Variants in DCAF17 observed in about 807,000 individuals in gnomAD.
DCAF17 encodes DDB1- and CUL4-associated factor 17.
DCAF17 carries 48 observed loss-of-function variants against 66.0 expected under a neutral mutation model. The ratio of observed to expected loss-of-function variants is 0.73; its 90% confidence interval spans 0.58 to 0.92. The LOEUF (loss-of-function observed/expected upper bound fraction) is 0.92, where lower values mean the gene tolerates loss of function less well. Ranked by LOEUF, DCAF17 falls within the 40% of genes least tolerant of loss-of-function variation. The pLI is 0.00. For synonymous variants in DCAF17, 206 were observed against 214.6 expected (o/e 0.96, Z 0.35); for missense variants, 562 against 622.8 (o/e 0.90, Z 1.04).
intron 9 of DCAF17, chr2:171,472,958 A>G (rs1173852190): frequency 3.3e-6 from 1 of 300,404 alleles, no homozygotes; most frequent in Non-Finnish European, 6.9e-6. Flanking sequence ...GATATAAGGT[A>G]ATACATTTGT....
intron 8 of DCAF17, among the ~76,000 whole-genome samples, chr2:171,463,011 A>C (rs1008917328): frequency 3.3e-5 from 5 of 152,106 alleles, no homozygotes; most frequent in African/African-American, 1.2e-4. Flanking sequence ...CAAGTGGATC[A>C]CTTGAGGTCA....
At position 171,478,121 on chromosome 2, in the gene DCAF17, T is replaced by A. The variant is rs11887983; in HGVS notation, c.1266+51T>A. The stretch of plus-strand genomic sequence containing the variant: ...ACCAAACCAGTGTGTCCTTGCATTG[T>A]GAATTTCATATTAATACTTCCCCAT... On this transcript the variant is annotated intron_variant, in intron 12 of 13. Transcript: ENST00000375255. The A allele has an allele frequency of 3.0e-3, 4,453 of 1,484,296 alleles. 116 individuals carry two copies. In the African/African-American group the frequency reaches 0.056, roughly 19 times the overall value. The allele number at this position is 1,484,296 out of a possible 1,614,324, so 91.9% of individuals were successfully genotyped here. A position where few individuals can be genotyped will look rare whatever the true frequency, so the allele number is the denominator to read the frequency against.
At chr2:171,438,266 T>C (rs1206491177) in intron 2 of DCAF17, among the ~76,000 whole-genome samples, 1 of 152,236 alleles carries the variant, frequency 6.6e-6, no homozygotes, top group African/African-American at 2.4e-5. Flanking sequence ...AGGTGTCTTT[T>C]ATGGCTCAGA....
chr2:171,458,920 T>C (rs1368401749), intron 8 of DCAF17, among the ~76,000 whole-genome samples: 1 of 152,092 alleles, frequency 6.6e-6, no homozygotes, highest in Non-Finnish European at 1.5e-5. Context: ...CCCAGTATAC[T>C]TAAAGAGTGC....
rs1355998255 is a variant in DCAF17, at chr2:171,483,569, G to A, written c.*2455G>A. 1 of 454,100 alleles carries A rather than the reference G, an allele frequency of 2.2e-6. No homozygotes were observed. The highest frequency in any genetic ancestry group is 2.3e-5 in the Admixed American group (1 of 42,580). The allele number at this position is 454,100 out of a possible 1,614,324, so 28.1% of individuals were successfully genotyped here. A position where few individuals can be genotyped will look rare whatever the true frequency, so the allele number is the denominator to read the frequency against. On this transcript the variant is annotated 3_prime_UTR_variant, in exon 14 of 14. Transcript: ENST00000375255. ...TCCTATTTACTATTTGTGCTACCTA[G>A]TGAGGAGATACCGCTCTGTTTAGAC...
chr2:171,469,080 A>G (rs1300508260), intron 9 of DCAF17, 50 bp downstream of exon 9: 1 of 1,598,928 alleles, frequency 6.3e-7, no homozygotes, highest in South Asian at 1.1e-5. Context: ...CAAGTTCTTT[A>G]TTTTCTACCT....
intron 2 of DCAF17, among the ~76,000 whole-genome samples, chr2:171,442,122 G>A (rs1452385332): frequency 6.6e-6 from 1 of 152,150 alleles, no homozygotes; most frequent in Non-Finnish European, 1.5e-5. Flanking sequence ...GGTTATAATC[G>A]CATATGAAGT....
At chr2:171,439,511 CT>C (rs374646610) in intron 2 of DCAF17, among the ~76,000 whole-genome samples, 24,438 of 94,778 alleles carry the variant, frequency 0.26, 2,924 homozygotes, top group East Asian at 0.53. Context: ...CTTTTTTTTC[CT>C]TTTTTTTTTT....
In DCAF17 at chr2:171,450,748, G is replaced by A. The variant is rs141311430; in HGVS notation, c.537+791G>A. Among the ~76,000 whole-genome samples, 296 of 152,186 alleles carry A rather than the reference G, an allele frequency of 1.9e-3. 1 individual carries two copies. The highest frequency in any genetic ancestry group is 6.8e-3 in the African/African-American group (284 of 41,516). ...ACTACTTCAGCTGTTTCTCACTAGT[G>A]TCCTTGATTGCAAAACAGGCAGGCA... On this transcript the variant is annotated intron_variant, in intron 5 of 13. Coordinates refer to ENST00000375255, the MANE Select transcript of DCAF17 (RefSeq NM_025000.4).
intron 8 of DCAF17, among the ~76,000 whole-genome samples, chr2:171,468,587 A>G (rs1696056787): frequency 1.3e-5 from 2 of 152,242 alleles, no homozygotes; most frequent in Admixed American, 6.5e-5. Context: ...GTACTTTGTC[A>G]TTTCTTACCA....
Position 171,478,027 on chromosome 2 carries a change from T to TA in DCAF17, c.1231dup (p.Ser411LysfsTer3), listed in dbSNP as rs755674655. On this transcript the variant is annotated frameshift_variant, in exon 12 of 14. Coordinates refer to ENST00000375255, the MANE Select transcript of DCAF17 (RefSeq NM_025000.4). LOFTEE classifies it high-confidence loss of function. ...ACTGTTACAGCTTCTGGACGGGTGGTAAAAAAAAGTTTTAACCTTCTGGAT... is the reference window on the plus strand; with the variant it reads ...ACTGTTACAGCTTCTGGACGGGTGGTAAAAAAAAAGTTTTAACCTTCTGGAT... 3.1e-6 allele frequency: 5 copies of TA among 1,613,534 alleles called. No individual in the cohort carries two copies. Among genetic ancestry groups the TA allele is most frequent in the East Asian group, 2.2e-5 (1 of 44,874 alleles).
chr2:171,450,604 A>G (rs1203095871), intron 5 of DCAF17, among the ~76,000 whole-genome samples: 4 of 152,200 alleles, frequency 2.6e-5, no homozygotes, highest in Non-Finnish European at 5.9e-5. Flanking sequence ...AAATAGATAT[A>G]GACTGCTTTT....
At chr2:171,457,425 T>A (rs1695322510) in intron 6 of DCAF17, among the ~76,000 whole-genome samples, 1 of 152,206 alleles carries the variant, frequency 6.6e-6, no homozygotes, top group Admixed American at 6.5e-5. Flanking sequence ...AAAATAAGAA[T>A]AATAGAAAAA....
rs981688663 is a variant in DCAF17 at position 171,477,923 on chromosome 2, A to G, written c.1183-64A>G. ...TAAGTTTTACCAAATTTGTTAATACAGTTTTACCTTTGACTGCATGTAATA... is the reference window on the plus strand; with the variant it reads ...TAAGTTTTACCAAATTTGTTAATACGGTTTTACCTTTGACTGCATGTAATA... On this transcript the variant is annotated intron_variant, in intron 11 of 13. Coordinates refer to ENST00000375255, the MANE Select transcript of DCAF17 (RefSeq NM_025000.4). 6 of 1,398,214 alleles carry G rather than the reference A, an allele frequency of 4.3e-6. No homozygotes were observed. The East Asian group carries it at 9.3e-5, about 22-fold the overall frequency. 86.6% of individuals were successfully genotyped at this position (1,398,214 alleles called of 1,614,324 possible). A position where few individuals can be genotyped will look rare whatever the true frequency, so the allele number is the denominator to read the frequency against.
intron 8 of DCAF17, among the ~76,000 whole-genome samples, chr2:171,467,411 C>T (rs62183503): frequency 0.2 from 30,691 of 151,882 alleles, 3,244 homozygotes; most frequent in South Asian, 0.28. Flanking sequence ...AAAAGTTTGG[C>T]TGGGCACAGT....
At chr2:171,463,451 T>C (rs1400392836) in intron 8 of DCAF17, among the ~76,000 whole-genome samples, 1 of 152,160 alleles carries the variant, frequency 6.6e-6, no homozygotes, top group Non-Finnish European at 1.5e-5. Flanking sequence ...AAAGGACACA[T>C]AAAAACTTGA....
rs863224865 is a variant in DCAF17 at position 171,443,575 on chromosome 2, GA to G, written c.289del (p.Ile97Ter). 17 of 1,612,896 alleles carry G rather than the reference GA, an allele frequency of 1.1e-5. No homozygotes were observed. Among genetic ancestry groups the G allele is most frequent in the Non-Finnish European group, 1.3e-5 (15 of 1,179,406 alleles). On this transcript the variant is annotated frameshift_variant, in exon 3 of 14. Coordinates refer to ENST00000375255, the MANE Select transcript of DCAF17 (RefSeq NM_025000.4). LOFTEE classifies it high-confidence loss of function. ...TGAAATGCCAAAATGTTCCAAATCA[GA>G]AAAAATAGAGGATGCTTTATTATGG... ...LYEMPKCSKS[E>X]KIEDALLWEC...
intron 8 of DCAF17, among the ~76,000 whole-genome samples, chr2:171,462,314 A>G (rs1695632165): frequency 2.0e-5 from 3 of 152,220 alleles, no homozygotes; most frequent in Admixed American, 2.0e-4. Flanking sequence ...AGACATAGTT[A>G]CAAATCATAC....
intron 3 of DCAF17, among the ~76,000 whole-genome samples, chr2:171,446,763 G>A (rs1694648747): frequency 6.6e-6 from 1 of 152,104 alleles, no homozygotes; most frequent in Admixed American, 6.5e-5. Context: ...AAATTGCATT[G>A]TGAATGTAAC....
Sources: allele counts gnomAD v4.1 joint callset (sites outside exome capture counted in the v4.1 genomes callset), GRCh38; gene constraint gnomAD v4.1.1; transcripts MANE v1.5; gene names NCBI Gene and HGNC (gene_info 2026-07-23, HGNC 2026-07-21).